Variants in SGCA observed in about 807,000 individuals in gnomAD.
SGCA encodes alpha-sarcoglycan.
SGCA carries 34 observed loss-of-function variants against 38.1 expected under a neutral mutation model. The observed-to-expected ratio is 0.89, with a 90% CI of 0.68 to 1.19. SGCA has a LOEUF of 1.19. Ranked by LOEUF, SGCA falls within the 50% of genes most tolerant of loss-of-function variation. The probability of loss-of-function intolerance (pLI) is 0.00; values close to 1 mark genes in which losing one functional copy is unlikely to be tolerated. For missense variants in SGCA, 476 were observed against 524.9 expected (o/e 0.91, Z 0.91); for synonymous variants, 209 against 214.6 (o/e 0.97, Z 0.23).
chr17:50,169,747 C>A, intron 6 of SGCA: 1 of 378,252 alleles, frequency 2.6e-6, no homozygotes, highest in Non-Finnish European at 5.0e-6. Flanking sequence ...CTGGTGTACA[C>A]TGTTCCTGTG....
In SGCA at chr17:50,167,247, A is replaced by C; in HGVS notation, c.38-121A>C. The C allele has an allele frequency of 7.2e-7, 1 of 1,380,666 alleles. No homozygotes were observed. The highest frequency in any genetic ancestry group is 1.0e-6 in the Non-Finnish European group (1 of 996,582). 85.5% of individuals were successfully genotyped at this position (1,380,666 alleles called of 1,614,324 possible). A position where few individuals can be genotyped will look rare whatever the true frequency, so the allele number is the denominator to read the frequency against. ...CCACCCCAATCCCTTCCTGGGAGGC[A>C]GCAAAGGAAGCGCTTCTCTCGGTCC... On this transcript the variant is annotated intron_variant, in intron 1 of 9. Coordinates refer to ENST00000262018, the MANE Select transcript of SGCA (RefSeq NM_000023.4). This position sits in a 1 kb window ranked among gnomAD's most constrained non-coding sequence, Gnocchi z 4.5.
Position 50,166,739 on chromosome 17 carries a change from TCAC to T in SGCA, c.38-628_38-626del, listed in dbSNP as rs1567737875. 4.7e-3 allele frequency among the ~76,000 whole-genome samples: 261 copies of T among 55,824 alleles called. 3 individuals are homozygous for T. Among genetic ancestry groups the T allele is most frequent in the African/African-American group, 0.02 (239 of 11,994 alleles). 36.6% of individuals were successfully genotyped at this position (55,824 alleles called of 152,430 possible). A position where few individuals can be genotyped will look rare whatever the true frequency, so the allele number is the denominator to read the frequency against. On this transcript the variant is annotated intron_variant, in intron 1 of 9. Coordinates refer to ENST00000262018, the MANE Select transcript of SGCA (RefSeq NM_000023.4). ...CACACACACACCCTCACACACACCCTCACACACCCTCACACACCCTCACACACA... is the reference window on the plus strand; with the variant it reads ...CACACACACACCCTCACACACACCCTACACCCTCACACACCCTCACACACA...
rs73334777 is a variant in SGCA at position 50,167,031 on chromosome 17, C to A, written c.38-337C>A. Among the ~76,000 whole-genome samples the A allele has an allele frequency of 0.02, 2,753 of 139,734 alleles. 86 individuals are homozygous for A. The highest frequency in any genetic ancestry group is 0.064 in the African/African-American group (2,412 of 37,962). The allele number at this position is 139,734 out of a possible 152,430, so 91.7% of individuals were successfully genotyped here. A position where few individuals can be genotyped will look rare whatever the true frequency, so the allele number is the denominator to read the frequency against. On this transcript the variant is annotated intron_variant, in intron 1 of 9. Coordinates refer to ENST00000262018, the MANE Select transcript of SGCA (RefSeq NM_000023.4). The surrounding 1 kb of genome is among the most constrained non-coding windows in gnomAD (Gnocchi z 4.5). ...CTCACACATACCTTCACACACACAC[C>A]CCCCCACATCCCCTCACACACACAC...
chr17:50,170,228 CCACT>C lies in SGCA; in HGVS notation c.834_837del (p.Thr279ArgfsTer41). On this transcript the variant is annotated frameshift_variant, in exon 7 of 10. Coordinates refer to ENST00000262018, the MANE Select transcript of SGCA (RefSeq NM_000023.4). LOFTEE classifies it high-confidence loss of function. ...GAGCATGACCCGTTCTTCTGCCCAC[CCACT>C]GAGGCCCCAGACCGTGACTTCTTGG... is the stretch of plus-strand genomic sequence containing the variant. 6.2e-7 allele frequency: 1 copy of C among 1,614,194 alleles called. No homozygotes were observed. The highest frequency in any genetic ancestry group is 8.5e-7 in the Non-Finnish European group (1 of 1,180,028).
At chr17:50,171,533 C>T in intron 8 of SGCA, 1 of 456,810 alleles carries the variant, frequency 2.2e-6, no homozygotes, top group Non-Finnish European at 4.4e-6. Flanking sequence ...TGGCACTTGG[C>T]CACCCTTCGA....
rs148373921 is a variant in SGCA at position 50,175,326 on chromosome 17, C to T, written c.1053C>T (p.Arg351=). 2.9e-5 allele frequency: 47 copies of T among 1,609,654 alleles called. No homozygotes were observed. Among genetic ancestry groups the T allele is most frequent in the African/African-American group, 8.0e-5 (6 of 74,924 alleles). ...TEELRQMAAS[R]EVPRPLSTLP... The stretch of plus-strand genomic sequence containing the variant: ...AGCTGCGGCAGATGGCGGCCAGCCG[C>T]GAGGTGCCCCGGCCACTCTCCACCC... Residue 351 remains arginine, a synonymous_variant, in exon 9 of 10, where the codon CGC becomes CGT. Coordinates refer to ENST00000262018, the MANE Select transcript of SGCA (RefSeq NM_000023.4).
intron 8 of SGCA, 144 bp downstream of exon 8, chr17:50,170,810 A>C: frequency 1.3e-6 from 1 of 759,402 alleles, no homozygotes. Flanking sequence ...CTGTAATCCC[A>C]GCACTTTGGG....
chr17:50,166,100 G>A lies in SGCA; in HGVS notation c.37+23G>A, dbSNP rs79410682. On this transcript the variant is annotated intron_variant, in intron 1 of 9. Coordinates refer to ENST00000262018, the MANE Select transcript of SGCA (RefSeq NM_000023.4). Reference sequence around the variant, plus strand: ...TGGGCAAGTTGGGGCCTTGTTCAGCGGGGAGGCCCAGGATGAGGGGGCAGG... The same window carrying A: ...TGGGCAAGTTGGGGCCTTGTTCAGCAGGGAGGCCCAGGATGAGGGGGCAGG... 93,654 of 1,602,178 alleles carry A rather than the reference G, an allele frequency of 0.058. 3,107 individuals are homozygous for A. The highest frequency in any genetic ancestry group is 0.071 in the Middle Eastern group (428 of 6,024).
chr17:50,167,523 G>GT lies in SGCA; in HGVS notation c.157+36_157+37insT. 1 of 1,614,006 alleles carries GT rather than the reference G, an allele frequency of 6.2e-7. No homozygotes were observed. The highest frequency in any genetic ancestry group is 1.1e-5 in the South Asian group (1 of 91,082). On this transcript the variant is annotated intron_variant, in intron 2 of 9. Coordinates refer to ENST00000262018, the MANE Select transcript of SGCA (RefSeq NM_000023.4). This position sits in a 1 kb window ranked among gnomAD's most constrained non-coding sequence, Gnocchi z 4.5. Reference sequence around the variant, plus strand: ...TGACAGGCACCCAGGCGGGCGGGCTGGGGTGTACCCCGCAGGGCTCCTGCT... The same window carrying GT: ...TGACAGGCACCCAGGCGGGCGGGCTGTGGGTGTACCCCGCAGGGCTCCTGCT...
At chr17:50,174,967 T>C (rs1473317976) in intron 8 of SGCA, among the ~76,000 whole-genome samples, 1 of 152,000 alleles carries the variant, frequency 6.6e-6, no homozygotes, top group East Asian at 1.9e-4. Flanking sequence ...TAATTTTTAT[T>C]TTTATTTTTT....
At chr17:50,173,460 C>T (rs1033042278) in intron 8 of SGCA, among the ~76,000 whole-genome samples, 2 of 149,696 alleles carry the variant, frequency 1.3e-5, no homozygotes, top group African/African-American at 4.9e-5. Flanking sequence ...GTCTGTCTGC[C>T]CAAGTGCTGA....
At chr17:50,170,600 A>C in intron 7 of SGCA, 40 bp from the exon 8 acceptor site, 1 of 1,554,826 alleles carries the variant, frequency 6.4e-7, no homozygotes, top group South Asian at 1.2e-5. Flanking sequence ...TTGGGGCGAA[A>C]CCCAGAGCTG....
intron 8 of SGCA, among the ~76,000 whole-genome samples, chr17:50,174,166 T>A (rs1157676388): frequency 6.6e-6 from 1 of 151,696 alleles, no homozygotes; most frequent in African/African-American, 2.4e-5. Context: ...CAAAAAAAAT[T>A]TTAAATTAGC....
rs1441847598 is a variant in SGCA at position 50,175,362 on chromosome 17, C to A, written c.1089C>A (p.Phe363Leu). The stretch of plus-strand genomic sequence containing the variant: ...GGCCACTCTCCACCCTGCCCATGTT[C>A]AATGTGCACACAGGTGAGCGGCTGC... ...VPRPLSTLPM[F>L]NVHTGERLPP... The change falls in exon 9 of 10, where the codon TTC (phenylalanine) becomes TTA (leucine). Residue 363 changes from phenylalanine to leucine, a missense_variant. Coordinates refer to ENST00000262018, the MANE Select transcript of SGCA (RefSeq NM_000023.4). 6.2e-7 allele frequency: 1 copy of A among 1,612,890 alleles called. No individual in the cohort carries two copies. Among genetic ancestry groups the A allele is most frequent in the South Asian group, 1.1e-5 (1 of 90,966 alleles).
At position 50,175,692 on chromosome 17, in the gene SGCA, T is replaced by A. The variant is rs1246214272; in HGVS notation, c.*13-20T>A. 1 of 659,172 alleles carries A rather than the reference T, an allele frequency of 1.5e-6. No individual in the cohort carries two copies. Among genetic ancestry groups the A allele is most frequent in the African/African-American group, 1.8e-5 (1 of 56,248 alleles). 40.8% of individuals were successfully genotyped at this position (659,172 alleles called of 1,614,324 possible). On this transcript the variant is annotated intron_variant, in intron 9 of 9. Transcript: ENST00000262018. Reference sequence around the variant, plus strand: ...AACCAGCATCTGGCCCTCTCAGCCCTCCACTCTCTCTTCCCACAGTGGTTC... The same window carrying A: ...AACCAGCATCTGGCCCTCTCAGCCCACCACTCTCTCTTCCCACAGTGGTTC...
chr17:50,166,611 G>A (rs910421144), intron 1 of SGCA, among the ~76,000 whole-genome samples: 4 of 151,726 alleles, frequency 2.6e-5, no homozygotes, highest in African/African-American at 9.7e-5. Flanking sequence ...CTGGGCTCTT[G>A]GGCATTTAGC....
chr17:50,172,859 G>A (rs148908024), intron 8 of SGCA, among the ~76,000 whole-genome samples: 2 of 152,340 alleles, frequency 1.3e-5, no homozygotes, highest in Non-Finnish European at 2.9e-5. Context: ...ATACAAAGCA[G>A]TTAAAAGGCT....
At chr17:50,172,166 C>G (rs1308198627) in intron 8 of SGCA, 1 of 456,912 alleles carries the variant, frequency 2.2e-6, no homozygotes, top group Admixed American at 2.3e-5. Flanking sequence ...GAGCTCCGGC[C>G]CTCACCTTTA....
rs1305427364 is a variant in SGCA, at chr17:50,167,362, C to T, written c.38-6C>T. The T allele has an allele frequency of 1.2e-6, 2 of 1,614,062 alleles. No homozygotes were observed. Among genetic ancestry groups the T allele is most frequent in the Non-Finnish European group, 1.7e-6 (2 of 1,180,004 alleles). ...TGTGTGTTTGGGACTTGTGGGGTCC[C>T]CACAGTTCTCCTGGCAGGGCTGGGG... is the stretch of plus-strand genomic sequence containing the variant. On this transcript the variant is annotated splice_polypyrimidine_tract_variant and splice_region_variant and intron_variant, in intron 1 of 9. Coordinates refer to ENST00000262018, the MANE Select transcript of SGCA (RefSeq NM_000023.4). The surrounding 1 kb of genome is among the most constrained non-coding windows in gnomAD (Gnocchi z 4.5).
Sources: allele counts gnomAD v4.1 joint callset (sites outside exome capture counted in the v4.1 genomes callset), GRCh38; gene constraint gnomAD v4.1.1; non-coding constraint Gnocchi (gnomAD v3.1); transcripts MANE v1.5; gene names NCBI Gene and HGNC (gene_info 2026-07-23, HGNC 2026-07-21).